The following TPMT variants were observed in gnomAD, a reference collection of about 807,000 sequenced individuals.
TPMT encodes the protein S-adenosyl-L-methionine:thiopurine S-methyltransferase.
TPMT carries 18 observed loss-of-function variants against 34.2 expected under a neutral mutation model. That is an observed-to-expected ratio of 0.53 (90% CI 0.36 to 0.78). TPMT has a LOEUF of 0.78. Among genes scored for constraint, TPMT ranks in the 30% least tolerant of loss-of-function variants. The pLI is 0.00. For synonymous variants in TPMT, 69 were observed against 92.4 expected (o/e 0.75, Z 1.45); for missense variants, 265 against 288.1 (o/e 0.92, Z 0.58).
At position 18,132,984 on chromosome 6, in the gene TPMT, T is replaced by C. The variant is rs1003523892; in HGVS notation, c.581-807A>G. Among the ~76,000 whole-genome samples, 3 of 151,954 alleles carry C rather than the reference T, an allele frequency of 2.0e-5. No homozygotes were observed. Among genetic ancestry groups the C allele is most frequent in the Non-Finnish European group, 4.4e-5 (3 of 68,012 alleles). Reference sequence around the variant, plus strand: ...TGGCATACACTGTAATCCCAGCTACTTGGGAGGCTGAGGCAGGAGAATCAC... The same window carrying C: ...TGGCATACACTGTAATCCCAGCTACCTGGGAGGCTGAGGCAGGAGAATCAC... On this transcript the variant is annotated intron_variant, in intron 7 of 8. Transcript: ENST00000309983. This position sits in a 1 kb window ranked among gnomAD's most constrained non-coding sequence, Gnocchi z 4.8.
chr6:18,133,131 A>T (rs1476356364), intron 7 of TPMT, among the ~76,000 whole-genome samples: 1 of 152,150 alleles, frequency 6.6e-6, no homozygotes, highest in Non-Finnish European at 1.5e-5. Flanking sequence ...ATACTAACAT[A>T]TGTAAATATT....
Position 18,138,802 on chromosome 6 carries a change from CT to C in TPMT, c.494+160del, listed in dbSNP as rs1477679329. Among the ~76,000 whole-genome samples, 1 of 152,156 alleles carries C rather than the reference CT, an allele frequency of 6.6e-6. No homozygotes were observed. Among genetic ancestry groups the C allele is most frequent in the African/African-American group, 2.4e-5 (1 of 41,428 alleles). On this transcript the variant is annotated intron_variant, in intron 6 of 8. Coordinates refer to ENST00000309983, the MANE Select transcript of TPMT (RefSeq NM_000367.5). The surrounding 1 kb of genome is among the most constrained non-coding windows in gnomAD (Gnocchi z 4.1). ...CAGGTCTCTGTAGTCAAATCCTATACTTTTTAGACAAAGCTAGTATTGGATT... is the reference window on the plus strand; with the variant it reads ...CAGGTCTCTGTAGTCAAATCCTATACTTTTAGACAAAGCTAGTATTGGATT...
Position 18,146,778 on chromosome 6 carries a change from TAGC to T in TPMT, c.233+1042_233+1044del, listed in dbSNP as rs1489284424. 6.6e-6 allele frequency among the ~76,000 whole-genome samples: 1 copy of T among 152,186 alleles called. No individual in the cohort carries two copies. The highest frequency in any genetic ancestry group is 1.5e-5 in the Non-Finnish European group (1 of 68,032). On this transcript the variant is annotated intron_variant, in intron 3 of 8. Coordinates refer to ENST00000309983, the MANE Select transcript of TPMT (RefSeq NM_000367.5). This position sits in a 1 kb window ranked among gnomAD's most constrained non-coding sequence, Gnocchi z 6.2. ...TGACCACACTTGAATCTTAAAGTCA[TAGC>T]AGCCCTCTAACAAAGGCTCTCAGCT...
chr6:18,144,350 T>C (rs1370492190), intron 3 of TPMT, among the ~76,000 whole-genome samples: 2 of 152,190 alleles, frequency 1.3e-5, no homozygotes, highest in Admixed American at 1.3e-4. Flanking sequence ...CATATACAAA[T>C]AGCATTGTCC....
chr6:18,139,561 G>A lies in TPMT; in HGVS notation c.419+104C>T, dbSNP rs1784103481. ...ACATTCAAAAAAATGCTTTGTGGAT[G>A]TTACACAGGAGGAAGAGAGTGAGGA... On this transcript the variant is annotated intron_variant, in intron 5 of 8. Coordinates refer to ENST00000309983, the MANE Select transcript of TPMT (RefSeq NM_000367.5). The surrounding 1 kb of genome is among the most constrained non-coding windows in gnomAD (Gnocchi z 4.2). 3 of 919,372 alleles carry A rather than the reference G, an allele frequency of 3.3e-6. No individual in the cohort carries two copies. In the South Asian group the frequency reaches 4.2e-5, roughly 13 times the overall value. 57.0% of individuals were successfully genotyped at this position (919,372 alleles called of 1,614,324 possible).
chr6:18,137,434 C>T (rs1784062744), intron 6 of TPMT, among the ~76,000 whole-genome samples: 1 of 152,098 alleles, frequency 6.6e-6, no homozygotes, highest in Admixed American at 6.6e-5. Context: ...TGCGCCCAGC[C>T]TCCTTTTTGG....
At chr6:18,144,747 A>C (rs1040669832) in intron 3 of TPMT, among the ~76,000 whole-genome samples, 8 of 146,820 alleles carry the variant, frequency 5.4e-5, no homozygotes, top group African/African-American at 2.0e-4. Context: ...TTGAGACAGA[A>C]TCTCACTCTG....
chr6:18,151,750 G>A (rs1476766971), intron 1 of TPMT, among the ~76,000 whole-genome samples: 3 of 152,018 alleles, frequency 2.0e-5, no homozygotes, highest in Non-Finnish European at 4.4e-5. Flanking sequence ...ACACCCTCAT[G>A]CCTGGCTAAT....
chr6:18,151,307 G>A (rs1392437200), intron 1 of TPMT, among the ~76,000 whole-genome samples: 1 of 150,214 alleles, frequency 6.7e-6, no homozygotes, highest in Non-Finnish European at 1.5e-5. Context: ...CTCTACAAAA[G>A]CAGTTTTAAA....
chr6:18,133,249 T>C (rs1006078008), intron 7 of TPMT, among the ~76,000 whole-genome samples: 1 of 152,258 alleles, frequency 6.6e-6, no homozygotes, highest in African/African-American at 2.4e-5. Flanking sequence ...GTTTCAATGT[T>C]TGAATGCATT....
chr6:18,151,577 T>G (rs2427790), intron 1 of TPMT, among the ~76,000 whole-genome samples: 15,052 of 53,594 alleles, frequency 0.28, 779 homozygotes, highest in African/African-American at 0.39. Context: ...AACCTAGATT[T>G]ATTTATTTAT....
chr6:18,133,554 G>A (rs988736211), intron 7 of TPMT, among the ~76,000 whole-genome samples: 4 of 152,078 alleles, frequency 2.6e-5, no homozygotes, highest in Admixed American at 6.6e-5. Context: ...CCATTTCCCC[G>A]CTCTTCTCTA....
intron 4 of TPMT, among the ~76,000 whole-genome samples, chr6:18,141,339 ATTTTTTTTTT>A (rs531739139): frequency 7.2e-6 from 1 of 137,960 alleles, no homozygotes; most frequent in African/African-American, 2.7e-5. Flanking sequence ...CTGAGCAACA[ATTTTTTTTTT>A]TTTTTTTTGA....
chr6:18,145,842 A>T lies in TPMT; in HGVS notation c.233+1981T>A, dbSNP rs1309043733. On this transcript the variant is annotated intron_variant, in intron 3 of 8. Transcript: ENST00000309983. The surrounding 1 kb of genome is among the most constrained non-coding windows in gnomAD (Gnocchi z 5.6). Reference sequence around the variant, plus strand: ...CTGTAATAAAAACAAAATAAGACCAAGTGTGGTGGCTTATGCCTGTTATCC... The same window carrying T: ...CTGTAATAAAAACAAAATAAGACCATGTGTGGTGGCTTATGCCTGTTATCC... Among the ~76,000 whole-genome samples, 6 of 152,264 alleles carry T rather than the reference A, an allele frequency of 3.9e-5. No homozygotes were observed. In the East Asian group the frequency reaches 1.2e-3, roughly 30 times the overall value.
chr6:18,148,912 G>C lies in TPMT; in HGVS notation c.140+76C>G. 6.3e-7 allele frequency: 1 copy of C among 1,593,014 alleles called. No homozygotes were observed. The highest frequency in any genetic ancestry group is 2.2e-5 in the East Asian group (1 of 44,790). ...GCATCCTAAAAGTTAGTCAAATAAT[G>C]TGTACTTTTATTATTTCTATCTCAA... On this transcript the variant is annotated intron_variant, in intron 2 of 8. Coordinates refer to ENST00000309983, the MANE Select transcript of TPMT (RefSeq NM_000367.5). The surrounding 1 kb of genome is among the most constrained non-coding windows in gnomAD (Gnocchi z 4.1).
rs144753574 is a variant in TPMT, at chr6:18,147,081, C to T, written c.233+742G>A. 3.3e-5 allele frequency among the ~76,000 whole-genome samples: 5 copies of T among 152,312 alleles called. No homozygotes were observed. The East Asian group carries it at 9.6e-4, about 29-fold the overall frequency. On this transcript the variant is annotated intron_variant, in intron 3 of 8. Coordinates refer to ENST00000309983, the MANE Select transcript of TPMT (RefSeq NM_000367.5). ...CTGGGATTACAGGCGGAGGCCACCACACCTGGCGCATTTACTAACCTTTTC... is the reference window on the plus strand; with the variant it reads ...CTGGGATTACAGGCGGAGGCCACCATACCTGGCGCATTTACTAACCTTTTC...
rs1203734723 is a variant in TPMT at position 18,138,390 on chromosome 6, C to T, written c.494+573G>A. On this transcript the variant is annotated intron_variant, in intron 6 of 8. Transcript: ENST00000309983. This position sits in a 1 kb window ranked among gnomAD's most constrained non-coding sequence, Gnocchi z 4.1. ...GGGCTCACCCTCCTGCCTCAGCCTC[C>T]CAAGTAGCTGGGACTACAAGCACAT... Among the ~76,000 whole-genome samples, 2 of 151,952 alleles carry T rather than the reference C, an allele frequency of 1.3e-5. No individual in the cohort carries two copies. Among genetic ancestry groups the T allele is most frequent in the Non-Finnish European group, 2.9e-5 (2 of 67,998 alleles).
rs575864607 is a variant in TPMT at position 18,129,721 on chromosome 6, A to G, written c.*947T>C. 33 of 152,228 alleles carry G rather than the reference A, an allele frequency of 2.2e-4. No individual in the cohort carries two copies. The highest frequency in any genetic ancestry group is 8.8e-5 in the Non-Finnish European group (6 of 68,038). The allele number at this position is 152,228 out of a possible 1,614,324, so 9.4% of individuals were successfully genotyped here. On this transcript the variant is annotated 3_prime_UTR_variant, in exon 9 of 9. Coordinates refer to ENST00000309983, the MANE Select transcript of TPMT (RefSeq NM_000367.5). ...CAATTGCCAAACTCAGAGAAAACTTAAAGAAAAATTTATTCTTAGAATTTG... is the reference window on the plus strand; with the variant it reads ...CAATTGCCAAACTCAGAGAAAACTTGAAGAAAAATTTATTCTTAGAATTTG...
Position 18,136,938 on chromosome 6 carries a change from C to G in TPMT, c.494+2025G>C, listed in dbSNP as rs564793516. Reference sequence around the variant, plus strand: ...CCCTTGGGGAATCACGACTTTTAGGCATGCAAGGAGGATGGGAGTTCTGGA... The same window carrying G: ...CCCTTGGGGAATCACGACTTTTAGGGATGCAAGGAGGATGGGAGTTCTGGA... On this transcript the variant is annotated intron_variant, in intron 6 of 8. Transcript: ENST00000309983. The surrounding 1 kb of genome is among the most constrained non-coding windows in gnomAD (Gnocchi z 4.7). 6.6e-6 allele frequency among the ~76,000 whole-genome samples: 1 copy of G among 151,930 alleles called. No individual in the cohort carries two copies. The highest frequency in any genetic ancestry group is 1.5e-5 in the Non-Finnish European group (1 of 68,004).
Sources: gnomAD v4.1 joint callset for allele counts (sites outside exome capture counted in the v4.1 genomes callset) on GRCh38, gnomAD v4.1.1 for gene constraint, Gnocchi (gnomAD v3.1) non-coding constraint, MANE v1.5 for transcripts, NCBI Gene and HGNC (gene_info 2026-07-23, HGNC 2026-07-21) for gene names.